Variants in PDE6C observed in about 807,000 individuals in gnomAD.
PDE6C encodes the protein cone cGMP-specific 3',5'-cyclic phosphodiesterase subunit alpha'.
A neutral mutation model predicts 113.1 loss-of-function variants in PDE6C; 75 were observed. The observed-to-expected ratio is 0.66, with a 90% CI of 0.55 to 0.80. PDE6C has a LOEUF of 0.80. Among genes scored for constraint, PDE6C ranks in the 30% least tolerant of loss-of-function variants. The pLI, the probability that PDE6C is intolerant of heterozygous loss-of-function variation, is 0.00. For missense variants in PDE6C, 912 were observed against 1,038.6 expected (o/e 0.88, Z 1.67); for synonymous variants, 375 against 363.7 (o/e 1.03, Z -0.35).
At chr10:93,648,642 T>C (rs1385726674) in intron 15 of PDE6C, among the ~76,000 whole-genome samples, 2 of 152,210 alleles carry the variant, frequency 1.3e-5, no homozygotes, top group African/African-American at 4.8e-5. Context: ...CTAGCAGAGA[T>C]GGATTCACTG....
chr10:93,626,741 T>C (rs2058474846), intron 6 of PDE6C, 37 bp downstream of exon 6: 1 of 1,602,452 alleles, frequency 6.2e-7, no homozygotes, highest in Non-Finnish European at 8.6e-7. Context: ...GCAGTTGCCG[T>C]TGTATTTTTG....
intron 3 of PDE6C, among the ~76,000 whole-genome samples, chr10:93,621,714 C>T (rs2058447323): frequency 6.6e-6 from 1 of 152,240 alleles, no homozygotes; most frequent in Non-Finnish European, 1.5e-5. Context: ...TAGCTTCTCT[C>T]TCTCCATAGA....
In PDE6C at chr10:93,625,649, G is replaced by A; in HGVS notation, c.939G>A (p.Arg313=). Residue 313 remains arginine, a splice_region_variant and synonymous_variant, in exon 5 of 22, where the codon AGG becomes AGA. Coordinates refer to ENST00000371447, the MANE Select transcript of PDE6C (RefSeq NM_006204.4). The part of the protein sequence containing the change: ...PYKGPKTPDG[R]EVNFYKIIDY... The stretch of plus-strand genomic sequence containing the variant: ...AAGGTCCAAAGACACCTGATGGCAG[G>A]GTACGTGCAAATGTCTTCCTTGATG... 6.2e-7 allele frequency: 1 copy of A among 1,606,698 alleles called. No homozygotes were observed. The highest frequency in any genetic ancestry group is 8.5e-7 in the Non-Finnish European group (1 of 1,173,342).
Position 93,655,989 on chromosome 10 carries a change from CACAT to C in PDE6C, c.2036+133_2036+136del, listed in dbSNP as rs1236883109. 2.1e-4 allele frequency: 154 copies of C among 723,476 alleles called. 6 individuals are homozygous for C. In the South Asian group the frequency reaches 2.2e-3, roughly 10 times the overall value. The allele number at this position is 723,476 out of a possible 1,614,324, so 44.8% of individuals were successfully genotyped here. On this transcript the variant is annotated intron_variant, in intron 16 of 21. Coordinates refer to ENST00000371447, the MANE Select transcript of PDE6C (RefSeq NM_006204.4). ...ATACACACACACAGACACACACACACACATACACACAAAATTTGCTCTCCTTTTG... is the reference window on the plus strand; with the variant it reads ...ATACACACACACAGACACACACACACACACACAAAATTTGCTCTCCTTTTG...
At chr10:93,645,472 G>C (rs1029609664) in intron 14 of PDE6C, among the ~76,000 whole-genome samples, 1 of 152,116 alleles carries the variant, frequency 6.6e-6, no homozygotes, top group African/African-American at 2.4e-5. Flanking sequence ...AAGAAAAACA[G>C]GGTACAAAAG....
chr10:93,622,082 A>T lies in PDE6C; in HGVS notation c.864+10A>T. The T allele has an allele frequency of 6.2e-7, 1 of 1,613,300 alleles. No individual in the cohort carries two copies. The highest frequency in any genetic ancestry group is 8.5e-7 in the Non-Finnish European group (1 of 1,179,726). ...CATGACCAAGGAGAAGGTTCTTATT[A>T]TTCTACACATTTTGTCTCATCTCAC... is the stretch of plus-strand genomic sequence containing the variant. On this transcript the variant is annotated intron_variant, in intron 4 of 21. Coordinates refer to ENST00000371447, the MANE Select transcript of PDE6C (RefSeq NM_006204.4).
intron 15 of PDE6C, among the ~76,000 whole-genome samples, chr10:93,650,314 A>G (rs1292002979): frequency 6.6e-6 from 1 of 152,090 alleles, no homozygotes; most frequent in African/African-American, 2.4e-5. Flanking sequence ...TGGCACTGTT[A>G]TAGCTGTCTG....
Position 93,634,999 on chromosome 10 carries a change from A to G in PDE6C, c.1269+92A>G. ...TTGTTATTCTGGAATGATATTTTGAAGGGCCATTAAGACATGAGTCACACA... is the reference window on the plus strand; with the variant it reads ...TTGTTATTCTGGAATGATATTTTGAGGGGCCATTAAGACATGAGTCACACA... On this transcript the variant is annotated intron_variant, in intron 9 of 21. Transcript: ENST00000371447. 4.5e-6 allele frequency: 6 copies of G among 1,344,966 alleles called. No homozygotes were observed. In the South Asian group the frequency reaches 4.8e-5, roughly 11 times the overall value. The allele number at this position is 1,344,966 out of a possible 1,614,324, so 83.3% of individuals were successfully genotyped here. A position where few individuals can be genotyped will look rare whatever the true frequency, so the allele number is the denominator to read the frequency against.
chr10:93,645,356 T>G (rs894381405), intron 14 of PDE6C, among the ~76,000 whole-genome samples: 3 of 152,192 alleles, frequency 2.0e-5, no homozygotes, highest in Non-Finnish European at 4.4e-5. Flanking sequence ...ACCAGCCATG[T>G]TTTTTATTTC....
At position 93,613,041 on chromosome 10, in the gene PDE6C, G is replaced by A. The variant is rs201231586; in HGVS notation, c.316G>A (p.Gly106Ser). ...CSMFLCRSRNGIPEVASRLLD... is the reference protein window; with the variant it reads ...CSMFLCRSRNSIPEVASRLLD... ...CATGTTCCTGTGCCGGTCCCGGAAC[G>A]GCATACCTGAGGTGGCCTCTAGGTT... Residue 106 changes from glycine (G) to serine (S), a missense_variant, in exon 1 of 22, where the codon GGC becomes AGC. By Grantham distance (56) the Gly-to-Ser change is moderately conservative. Transcript: ENST00000371447. 116 of 1,614,164 alleles carry A rather than the reference G, an allele frequency of 7.2e-5. No individual in the cohort carries two copies. The highest frequency in any genetic ancestry group is 1.6e-4 in the East Asian group (7 of 44,876).
intron 15 of PDE6C, among the ~76,000 whole-genome samples, chr10:93,653,224 GACTCC>G (rs2058617384): frequency 6.6e-6 from 1 of 152,118 alleles, no homozygotes; most frequent in African/African-American, 2.4e-5. Flanking sequence ...GGATCAAAAT[GACTCC>G]ACTTACTTTT....
chr10:93,662,727 C>A, intron 20 of PDE6C, 84 bp downstream of exon 20: 3 of 766,472 alleles, frequency 3.9e-6, no homozygotes, highest in Non-Finnish European at 7.0e-6. Context: ...ATTTAGAAGT[C>A]ACCCATACGG....
chr10:93,617,999 T>C (rs920846653), intron 1 of PDE6C, among the ~76,000 whole-genome samples: 3 of 151,924 alleles, frequency 2.0e-5, no homozygotes, highest in African/African-American at 7.3e-5. Flanking sequence ...GAAGATGCTA[T>C]GGGGAACCAG....
At chr10:93,635,248 C>T (rs1262938318) in intron 9 of PDE6C, among the ~76,000 whole-genome samples, 2 of 152,128 alleles carry the variant, frequency 1.3e-5, no homozygotes, top group Non-Finnish European at 2.9e-5. Flanking sequence ...TTTTTAGGTC[C>T]TGCTTGACTA....
intron 8 of PDE6C, 108 bp from the exon 9 acceptor site, chr10:93,634,650 G>A: frequency 8.8e-7 from 1 of 1,134,370 alleles, no homozygotes; most frequent in Non-Finnish European, 1.3e-6. Context: ...ACTGGGTGAA[G>A]GGTACCTGAA....
chr10:93,619,639 T>C (rs1006025027), intron 1 of PDE6C, among the ~76,000 whole-genome samples: 36 of 152,300 alleles, frequency 2.4e-4, no homozygotes, highest in African/African-American at 8.7e-4. Context: ...TTGGCCAGGC[T>C]GGTCTCGAAC....
chr10:93,657,151 G>GT (rs890166282), intron 16 of PDE6C, among the ~76,000 whole-genome samples: 18 of 150,670 alleles, frequency 1.2e-4, no homozygotes, highest in Non-Finnish European at 2.4e-4. Context: ...GTTGTGTGTT[G>GT]TTTTTTTTGT....
At position 93,620,706 on chromosome 10, in the gene PDE6C, G is replaced by T. The variant is rs376211414; in HGVS notation, c.555G>T (p.Val185=). The T allele has an allele frequency of 1.2e-6, 2 of 1,614,174 alleles. No individual in the cohort carries two copies. Among genetic ancestry groups the T allele is most frequent in the Non-Finnish European group, 8.5e-7 (1 of 1,180,018 alleles). The stretch of plus-strand genomic sequence containing the variant: ...AGAACCTGCTGGCAACCCCGATCGT[G>T]GTGGGCAAGGAGGTTCTTGCTGTGA... ...VTKNLLATPI[V]VGKEVLAVIM... Residue 185 remains valine (V), a synonymous_variant, in exon 2 of 22, where the codon GTG becomes GTT. Transcript: ENST00000371447.
At chr10:93,630,045 T>C (rs781404431) in intron 8 of PDE6C, among the ~76,000 whole-genome samples, 7 of 152,080 alleles carry the variant, frequency 4.6e-5, no homozygotes, top group Non-Finnish European at 8.8e-5. Context: ...TGAATCCTGC[T>C]CTCCTGGTGG....
Sources: gnomAD v4.1 joint callset for allele counts (sites outside exome capture counted in the v4.1 genomes callset) on GRCh38, gnomAD v4.1.1 for gene constraint, MANE v1.5 for transcripts, NCBI Gene and HGNC (gene_info 2026-07-23, HGNC 2026-07-21) for gene names.